The following TMEM229B variants were observed in gnomAD, a reference collection of about 807,000 sequenced individuals.
TMEM229B encodes the protein transmembrane protein 229B.
Under a neutral mutation model 13.7 loss-of-function variants are expected in TMEM229B, and 6 were observed. The observed-to-expected ratio is 0.44, with a 90% CI of 0.24 to 0.86. The LOEUF (loss-of-function observed/expected upper bound fraction) is 0.86, where lower values mean the gene tolerates loss of function less well. TMEM229B is among the 40% of genes least tolerant of loss of function. The pLI, the probability that TMEM229B is intolerant of heterozygous loss-of-function variation, is 0.23. For missense variants in TMEM229B, 170 were observed against 236.0 expected (o/e 0.72, Z 1.83); for synonymous variants, 107 against 102.1 (o/e 1.05, Z -0.29).
At chr14:67,498,617 G>A (rs1210792801) in intron 1 of TMEM229B, among the ~76,000 whole-genome samples, 2 of 152,160 alleles carry the variant, frequency 1.3e-5, no homozygotes, top group East Asian at 3.8e-4. Context: ...CAGAATTAGG[G>A]TGGCTTCAAG....
intron 2 of TMEM229B, among the ~76,000 whole-genome samples, chr14:67,485,699 A>G (rs2140118209): frequency 6.6e-6 from 1 of 152,350 alleles, no homozygotes; most frequent in South Asian, 2.1e-4. Context: ...TTGGGAAAGC[A>G]GCCAATTGTC....
intron 1 of TMEM229B, among the ~76,000 whole-genome samples, chr14:67,495,441 CATA>C (rs1454225515): frequency 1.3e-5 from 2 of 151,910 alleles, no homozygotes; most frequent in African/African-American, 4.8e-5. Context: ...GTCCACAGCC[CATA>C]ATAATGAGTC....
At chr14:67,528,911 G>A (rs12434051) in intron 1 of TMEM229B, among the ~76,000 whole-genome samples, 57,591 of 151,968 alleles carry the variant, frequency 0.38, 11,606 homozygotes, top group South Asian at 0.45. Flanking sequence ...TGTATTTTCA[G>A]ATCAGCATTT....
intron 2 of TMEM229B, among the ~76,000 whole-genome samples, chr14:67,480,436 A>G (rs576689805): frequency 2.0e-5 from 3 of 152,122 alleles, no homozygotes; most frequent in Non-Finnish European, 4.4e-5. Context: ...ATGGAAGAGG[A>G]AGGGTGTCAG....
At chr14:67,498,364 T>G (rs1394260224) in intron 1 of TMEM229B, among the ~76,000 whole-genome samples, 1 of 152,164 alleles carries the variant, frequency 6.6e-6, no homozygotes, top group East Asian at 1.9e-4. Flanking sequence ...AATCTGAGTT[T>G]TGTGAGTTGA....
At position 67,473,670 on chromosome 14, in the gene TMEM229B, T is replaced by C; in HGVS notation, c.254A>G (p.Tyr85Cys). The C allele has an allele frequency of 1.3e-6, 2 of 1,580,986 alleles. No individual in the cohort carries two copies. Among genetic ancestry groups the C allele is most frequent in the Non-Finnish European group, 1.7e-6 (2 of 1,163,644 alleles). The stretch of plus-strand genomic sequence containing the variant: ...GAAGCCGGTGGTGAACTCCCACAGG[T>C]AGGTCCAGAGCGTGTAGATGAGGCA... ...LRCLIYTLWT[Y>C]LWEFTTGFIL... Residue 85 changes from tyrosine (Y) to cysteine (C), a missense_variant, in exon 3 of 3, where the codon TAC (tyrosine) becomes TGC (cysteine). This residue lies in a region of TMEM229B where 57 missense variants were observed against 66.7 expected (regional missense o/e 0.85). Transcript: ENST00000554480. The surrounding 1 kb of genome is among the most constrained non-coding windows in gnomAD (Gnocchi z 6.5).
At chr14:67,480,361 C>T (rs1310847884) in intron 2 of TMEM229B, among the ~76,000 whole-genome samples, 1 of 152,158 alleles carries the variant, frequency 6.6e-6, no homozygotes, top group Non-Finnish European at 1.5e-5. Flanking sequence ...GAGAACAAAA[C>T]TCCCACAGAC....
chr14:67,501,663 G>T (rs2032616257), intron 1 of TMEM229B, among the ~76,000 whole-genome samples: 1 of 152,228 alleles, frequency 6.6e-6, no homozygotes, highest in African/African-American at 2.4e-5. Context: ...TGTTTGAAGA[G>T]CCCAAAGACC....
chr14:67,473,318 C>G lies in TMEM229B; in HGVS notation c.*102G>C, dbSNP rs989744667. The G allele has an allele frequency of 1.3e-6, 2 of 1,496,846 alleles. No individual in the cohort carries two copies. The highest frequency in any genetic ancestry group is 1.4e-5 in the African/African-American group (1 of 72,050). The allele number at this position is 1,496,846 out of a possible 1,614,324, so 92.7% of individuals were successfully genotyped here. On this transcript the variant is annotated 3_prime_UTR_variant, in exon 3 of 3. Coordinates refer to ENST00000554480, the MANE Select transcript of TMEM229B (RefSeq NM_001348543.2). The surrounding 1 kb of genome is among the most constrained non-coding windows in gnomAD (Gnocchi z 6.5). ...GTGCCCTATAGGGCTGAGGCTTGGCCGGAGCAGGGCTTTTGCTGCATGGAT... is the reference window on the plus strand; with the variant it reads ...GTGCCCTATAGGGCTGAGGCTTGGCGGGAGCAGGGCTTTTGCTGCATGGAT...
rs1420030679 is a variant in TMEM229B at position 67,523,319 on chromosome 14, T to A, written c.-192+10317A>T. On this transcript the variant is annotated intron_variant, in intron 1 of 2. Transcript: ENST00000554278. ...ACCTGGGTTACAGAGTAAGACTCCA[T>A]CTCAAAAAAAAAAAAAAGAAAAGAA... Among the ~76,000 whole-genome samples the A allele has an allele frequency of 5.5e-5, 6 of 108,706 alleles. No individual in the cohort carries two copies. In the South Asian group the frequency reaches 1.2e-3, roughly 22 times the overall value. The allele number at this position is 108,706 out of a possible 152,430, so 71.3% of individuals were successfully genotyped here.
At chr14:67,508,496 T>C (rs2032908973) in intron 1 of TMEM229B, among the ~76,000 whole-genome samples, 1 of 152,054 alleles carries the variant, frequency 6.6e-6, no homozygotes, top group South Asian at 2.1e-4. Context: ...CACTGTTCCA[T>C]CATACAGCCT....
At chr14:67,492,470 T>C (rs1447188686), upstream of TMEM229B, among the ~76,000 whole-genome samples, 1 of 152,210 alleles carries the variant, frequency 6.6e-6, no homozygotes, top group East Asian at 1.9e-4. Flanking sequence ...CCTCACAGCC[T>C]CACTGGCAAA....
At chr14:67,529,039 G>A (rs1399952610) in intron 1 of TMEM229B, among the ~76,000 whole-genome samples, 2 of 151,996 alleles carry the variant, frequency 1.3e-5, no homozygotes, top group African/African-American at 4.8e-5. Context: ...GTCTTTGGGC[G>A]CCTTGCTAGT....
chr14:67,503,224 G>C (rs2032681551), intron 1 of TMEM229B, among the ~76,000 whole-genome samples: 1 of 152,184 alleles, frequency 6.6e-6, no homozygotes, highest in Non-Finnish European at 1.5e-5. Context: ...AAGTGGTTTT[G>C]GTTAAACAAA....
chr14:67,525,681 A>G (rs1451667270), intron 1 of TMEM229B, among the ~76,000 whole-genome samples: 1 of 152,244 alleles, frequency 6.6e-6, no homozygotes, highest in Non-Finnish European at 1.5e-5. Flanking sequence ...TCTGATGTAC[A>G]TTACTGCATA....
chr14:67,508,297 G>A (rs2032900966), intron 1 of TMEM229B, among the ~76,000 whole-genome samples: 1 of 152,076 alleles, frequency 6.6e-6, no homozygotes, highest in Non-Finnish European at 1.5e-5. Flanking sequence ...GACCAGCTGA[G>A]TTATTTCCTG....
chr14:67,483,593 G>A (rs1020482533), intron 2 of TMEM229B, among the ~76,000 whole-genome samples: 10 of 152,242 alleles, frequency 6.6e-5, no homozygotes, highest in Middle Eastern at 3.4e-3. Context: ...CCTGTTCCTC[G>A]GGATCCACAC....
At chr14:67,511,580 A>G (rs1885039) in intron 1 of TMEM229B, among the ~76,000 whole-genome samples, 152,185 of 152,296 alleles carry the variant, frequency 1, 76,037 homozygotes, top group Non-Finnish European at 1. Context: ...GTTCAAAAAC[A>G]TGAATTGTCA....
chr14:67,521,616 C>G (rs1810050933), intron 1 of TMEM229B, among the ~76,000 whole-genome samples: 1 of 152,142 alleles, frequency 6.6e-6, no homozygotes, highest in Admixed American at 6.5e-5. Context: ...TCATGAACAC[C>G]TTGAGCCTGA....
Sources: allele counts gnomAD v4.1 joint callset (sites outside exome capture counted in the v4.1 genomes callset), GRCh38; gene constraint gnomAD v4.1.1; regional missense constraint gnomAD v4.1.1; non-coding constraint Gnocchi (gnomAD v3.1); transcripts MANE v1.5; gene names NCBI Gene and HGNC (gene_info 2026-07-23, HGNC 2026-07-21).